The following FER variants were observed in gnomAD, a reference collection of about 807,000 sequenced individuals.
The protein encoded by FER is tyrosine-protein kinase Fer.
In FER, 63 loss-of-function variants were observed where a neutral mutation model predicts 111.0. The observed-to-expected ratio is 0.57, with a 90% CI of 0.46 to 0.70. The LOEUF (loss-of-function observed/expected upper bound fraction) is 0.70, where lower values mean the gene tolerates loss of function less well. Among genes scored for constraint, FER ranks in the 30% least tolerant of loss-of-function variants. The pLI is 0.00. For synonymous variants in FER, 327 were observed against 313.9 expected (o/e 1.04, Z -0.44); for missense variants, 914 against 954.0 (o/e 0.96, Z 0.55).
intron 16 of FER, chr5:109,051,622 G>A (rs1396838451): frequency 6.3e-7 from 1 of 1,595,478 alleles, no homozygotes; most frequent in South Asian, 1.1e-5. Context: ...AAGAGACATA[G>A]GCGAGAGGGG....
At chr5:109,160,963 C>A (rs1037971691) in intron 17 of FER, among the ~76,000 whole-genome samples, 1 of 152,114 alleles carries the variant, frequency 6.6e-6, no homozygotes, top group African/African-American at 2.4e-5. Context: ...TTATCTTATT[C>A]TTTGCCATTC....
chr5:108,778,464 C>T (rs73207509), intron 2 of FER, among the ~76,000 whole-genome samples: 3,157 of 152,294 alleles, frequency 0.021, 109 homozygotes, highest in African/African-American at 0.072. Context: ...ATGAAAGTTC[C>T]TGTTGTTCCA....
intron 1 of FER, among the ~76,000 whole-genome samples, chr5:108,762,507 C>CT (rs1751873757): frequency 1.3e-5 from 2 of 152,094 alleles, no homozygotes; most frequent in African/African-American, 4.8e-5. Flanking sequence ...CTGTGTTATC[C>CT]TTTTTAGACG....
intron 12 of FER, among the ~76,000 whole-genome samples, chr5:108,958,090 TTAAAG>T (rs1256684536): frequency 6.6e-6 from 1 of 151,662 alleles, no homozygotes; most frequent in Non-Finnish European, 1.5e-5. Context: ...TAGTTAAGTG[TTAAAG>T]TAAACTAATG....
intron 16 of FER, among the ~76,000 whole-genome samples, chr5:109,056,815 A>G (rs759184933): frequency 4.5e-4 from 69 of 152,204 alleles, no homozygotes; most frequent in Non-Finnish European, 6.5e-4. Flanking sequence ...TGTATTCCAT[A>G]ACATGTACCT....
At chr5:109,144,803 G>A (rs953315734) in intron 17 of FER, among the ~76,000 whole-genome samples, 1 of 152,084 alleles carries the variant, frequency 6.6e-6, no homozygotes, top group African/African-American at 2.4e-5. Flanking sequence ...GGAACCTTAG[G>A]AGATATGAGG....
chr5:109,188,064 T>C lies in FER; in HGVS notation c.*489T>C, dbSNP rs1327348625. 1.3e-5 allele frequency: 2 copies of C among 153,460 alleles called. No individual in the cohort carries two copies. The highest frequency in any genetic ancestry group is 3.3e-3 in the Middle Eastern group (1 of 300). The allele number at this position is 153,460 out of a possible 1,614,324, so 9.5% of individuals were successfully genotyped here. A position where few individuals can be genotyped will look rare whatever the true frequency, so the allele number is the denominator to read the frequency against. On this transcript the variant is annotated 3_prime_UTR_variant, in exon 20 of 20. Coordinates refer to ENST00000281092, the MANE Select transcript of FER (RefSeq NM_005246.4). ...TTGTAAACAAACAAACAGAATTTTA[T>C]ATTGGGAATTATTTGGACCTCCTGA...
chr5:109,119,020 C>T (rs1369700568), intron 17 of FER, among the ~76,000 whole-genome samples: 1 of 149,558 alleles, frequency 6.7e-6, no homozygotes, highest in Non-Finnish European at 1.5e-5. Context: ...CAGTTCTGCT[C>T]TGATCTTAGT....
chr5:108,775,872 G>A (rs547669303), intron 2 of FER, among the ~76,000 whole-genome samples: 10 of 152,198 alleles, frequency 6.6e-5, no homozygotes, highest in Admixed American at 2.0e-4. Flanking sequence ...AAAAGACCTC[G>A]CTTTGTATTC....
chr5:108,935,937 A>G (rs186993161), intron 10 of FER, among the ~76,000 whole-genome samples: 165 of 152,212 alleles, frequency 1.1e-3, no homozygotes, highest in African/African-American at 3.6e-3. Context: ...CAGACTTCAA[A>G]TAGCATTACT....
At chr5:108,797,173 G>T (rs1257707458) in intron 2 of FER, among the ~76,000 whole-genome samples, 1 of 152,032 alleles carries the variant, frequency 6.6e-6, no homozygotes, top group African/African-American at 2.4e-5. Flanking sequence ...CATTCAGGAG[G>T]TAGGGCCTAT....
At chr5:108,959,862 T>C (rs1758917118) in intron 13 of FER, among the ~76,000 whole-genome samples, 1 of 152,142 alleles carries the variant, frequency 6.6e-6, no homozygotes, top group South Asian at 2.1e-4. Context: ...TCTTAGGTCA[T>C]TTTTACCTCT....
intron 13 of FER, among the ~76,000 whole-genome samples, chr5:109,021,059 T>G (rs115594202): frequency 0.028 from 4,281 of 152,116 alleles, 103 homozygotes; most frequent in Non-Finnish European, 0.044. Context: ...TTAAGTAGAA[T>G]AATTTTAGTG....
intron 10 of FER, among the ~76,000 whole-genome samples, chr5:108,904,114 G>A (rs950384752): frequency 1.4e-5 from 2 of 147,384 alleles, no homozygotes; most frequent in African/African-American, 5.4e-5. Flanking sequence ...TTTATTGAAT[G>A]TCAGGTGTCA....
chr5:108,969,493 TAAAG>T (rs899013955), intron 13 of FER, among the ~76,000 whole-genome samples: 6 of 152,212 alleles, frequency 3.9e-5, no homozygotes, highest in African/African-American at 9.6e-5. Context: ...TTTTATGTGA[TAAAG>T]AAACTTAAAA....
Position 108,946,206 on chromosome 5 carries a change from C to T in FER, c.1313C>T (p.Ala438Val). ...IAGIIRSPKSALGSSALSDMI... is the reference protein window; with the variant it reads ...IAGIIRSPKSVLGSSALSDMI... ...GGAATAATTAGGTCTCCAAAATCTG[C>T]ACTGGGCTCTTCAGCAGTAAGTAGG... The change falls in exon 11 of 20, where the codon GCA becomes GTA. Residue 438 changes from alanine (A) to valine (V), a missense_variant. Transcript: ENST00000281092. The T allele has an allele frequency of 3.7e-6, 6 of 1,611,438 alleles. No homozygotes were observed. The East Asian group carries it at 1.3e-4, about 36-fold the overall frequency.
At chr5:108,752,974 G>C (rs1169220602) in intron 1 of FER, among the ~76,000 whole-genome samples, 2 of 151,460 alleles carry the variant, frequency 1.3e-5, no homozygotes, top group African/African-American at 4.9e-5. Context: ...TCAGATAATC[G>C]GGTTTTAGTT....
At chr5:108,748,645 C>G (rs1388574129) in intron 1 of FER, 3 of 152,354 alleles carry the variant, frequency 2.0e-5, no homozygotes, top group Admixed American at 2.0e-4. Flanking sequence ...TGAGCGAGCC[C>G]AGAAAGCGGC....
chr5:109,163,107 G>T (rs1282244623), intron 17 of FER, among the ~76,000 whole-genome samples: 3 of 152,016 alleles, frequency 2.0e-5, no homozygotes, highest in Non-Finnish European at 4.4e-5. Flanking sequence ...ATGTCTAAAT[G>T]ATCGACATTT....
Sources: gnomAD v4.1 joint callset for allele counts (sites outside exome capture counted in the v4.1 genomes callset) on GRCh38, gnomAD v4.1.1 for gene constraint, MANE v1.5 for transcripts, NCBI Gene and HGNC (gene_info 2026-07-23, HGNC 2026-07-21) for gene names.